Variants in CAPN2 observed in about 807,000 individuals in gnomAD.
CAPN2 encodes the protein calpain 2, also known as calpain-2 catalytic subunit.
CAPN2 carries 92 observed loss-of-function variants against 102.3 expected under a neutral mutation model. That is an observed-to-expected ratio of 0.90 (90% CI 0.76 to 1.07). The LOEUF (loss-of-function observed/expected upper bound fraction) is 1.07. CAPN2 is among the 50% of genes least tolerant of loss of function. The probability of loss-of-function intolerance (pLI) is 0.00; values close to 1 mark genes in which losing one functional copy is unlikely to be tolerated. For missense variants in CAPN2, 800 were observed against 909.4 expected (o/e 0.88, Z 1.55); for synonymous variants, 340 against 355.4 (o/e 0.96, Z 0.49).
At chr1:223,743,266 A>C (rs1660669322) in intron 2 of CAPN2, among the ~76,000 whole-genome samples, 1 of 151,904 alleles carries the variant, frequency 6.6e-6, no homozygotes, top group Admixed American at 6.6e-5. Context: ...CCTTGAAGTG[A>C]CCTCTGCCCC....
Position 223,717,825 on chromosome 1 carries a change from G to C in CAPN2, c.301G>C (p.Ala101Pro), listed in dbSNP as rs371602613. 5 of 1,613,352 alleles carry C rather than the reference G, an allele frequency of 3.1e-6. No homozygotes were observed. The African/African-American group carries it at 6.7e-5, about 22-fold the overall frequency. ...CACCCGCACAGACATCTGCCAAGGA[G>C]CCCTGGGTAAGTGATAGATTCAGAG... Reference protein sequence around the residue: ...GATRTDICQGALGDCWLLAAI... With the variant: ...GATRTDICQGPLGDCWLLAAI... The change falls in exon 2 of 21, where the codon GCC (alanine) becomes CCC (proline). Residue 101 changes from alanine to proline, a missense_variant. Coordinates refer to ENST00000295006, the MANE Select transcript of CAPN2 (RefSeq NM_001748.5).
intron 15 of CAPN2, among the ~76,000 whole-genome samples, chr1:223,765,715 G>A (rs555825930): frequency 4.7e-4 from 65 of 139,528 alleles, no homozygotes; most frequent in Admixed American, 1.1e-3. Flanking sequence ...ACCATCTAAG[G>A]GGTTGGTGCC....
At position 223,761,599 on chromosome 1, in the gene CAPN2, C is replaced by T. The variant is rs761318055; in HGVS notation, c.1548C>T (p.Ile516=). 21 of 1,612,582 alleles carry T rather than the reference C, an allele frequency of 1.3e-5. 1 individual carries two copies. The South Asian group carries it at 1.3e-4, about 10-fold the overall frequency. Residue 516 remains isoleucine, a synonymous_variant, in exon 13 of 21, where the codon ATC becomes ATT. Transcript: ENST00000295006. ...TTTCCAGAGCTGTCGATGATGAAATCGAGGCCAATCTTGAAGAGGTATTTG... is the reference window on the plus strand; with the variant it reads ...TTTCCAGAGCTGTCGATGATGAAATTGAGGCCAATCTTGAAGAGGTATTTG... The part of the protein sequence containing the change: ...KADYQAVDDE[I]EANLEEFDIS...
intron 2 of CAPN2, among the ~76,000 whole-genome samples, chr1:223,738,174 G>A (rs1026125665): frequency 8.2e-5 from 12 of 146,998 alleles, no homozygotes; most frequent in African/African-American, 2.5e-4. Context: ...TTTCTTTTTT[G>A]TGAGACGGGG....
chr1:223,742,607 C>A (rs1465330393), intron 2 of CAPN2, among the ~76,000 whole-genome samples: 1 of 150,350 alleles, frequency 6.7e-6, no homozygotes, highest in Admixed American at 6.6e-5. Flanking sequence ...GCAGCCTCCA[C>A]CTCCTGAGCT....
At chr1:223,703,483 C>T (rs1213059839) in intron 1 of CAPN2, among the ~76,000 whole-genome samples, 1 of 152,198 alleles carries the variant, frequency 6.6e-6, no homozygotes, top group Non-Finnish European at 1.5e-5. Context: ...AATGACAACA[C>T]AGTAGAGGTA....
At chr1:223,712,497 G>T (rs1659755812), upstream of CAPN2, 6 of 1,194,792 alleles carry the variant, frequency 5.0e-6, no homozygotes, top group South Asian at 1.6e-4. Flanking sequence ...GGGCCGGGCC[G>T]CTTCCCTCCG....
At position 223,726,408 on chromosome 1, in the gene CAPN2, T is replaced by TG. The variant is rs1446013191; in HGVS notation, c.307+8582dup. On this transcript the variant is annotated intron_variant, in intron 2 of 20. Coordinates refer to ENST00000295006, the MANE Select transcript of CAPN2 (RefSeq NM_001748.5). This position sits in a 1 kb window ranked among gnomAD's most constrained non-coding sequence, Gnocchi z 4.4. ...AAACTCTGATATTGACTAGTGACCG[T>TG]GGGGGCGATGGCCCAGGAGGGTCAG... Among the ~76,000 whole-genome samples the TG allele has an allele frequency of 6.6e-6, 1 of 152,150 alleles. No homozygotes were observed. Among genetic ancestry groups the TG allele is most frequent in the Non-Finnish European group, 1.5e-5 (1 of 68,028 alleles).
chr1:223,762,735 C>T (rs1309889181), intron 14 of CAPN2, among the ~76,000 whole-genome samples: 9 of 151,956 alleles, frequency 5.9e-5, no homozygotes, highest in African/African-American at 1.2e-4. Flanking sequence ...GGCTGGAGTG[C>T]AGTGGCATGA....
chr1:223,750,575 CTCCTTT>C, intron 6 of CAPN2, among the ~76,000 whole-genome samples: 1 of 152,338 alleles, frequency 6.6e-6, no homozygotes, highest in South Asian at 2.1e-4. Context: ...CTTCTCTGAG[CTCCTTT>C]ACCAAAAGCG....
At chr1:223,712,396 C>A (rs111589205), upstream of CAPN2, 3 of 1,024,642 alleles carry the variant, frequency 2.9e-6, no homozygotes. Context: ...GGCCCCGGGT[C>A]GCGGCGTTCC....
In CAPN2 at chr1:223,731,236, G is replaced by T. The variant is rs753753922; in HGVS notation, c.308-12864G>T. On this transcript the variant is annotated intron_variant, in intron 2 of 20. Coordinates refer to ENST00000295006, the MANE Select transcript of CAPN2 (RefSeq NM_001748.5). The surrounding 1 kb of genome is among the most constrained non-coding windows in gnomAD (Gnocchi z 4.2). ...TATGCTTGGAGGGTCTGGTGCAGAA[G>T]GGGAAAGGAAGAGAAGGAAGTTTGG... Among the ~76,000 whole-genome samples the T allele has an allele frequency of 6.6e-6, 1 of 152,184 alleles. No homozygotes were observed. The highest frequency in any genetic ancestry group is 2.1e-4 in the South Asian group (1 of 4,830).
intron 16 of CAPN2, among the ~76,000 whole-genome samples, chr1:223,768,477 G>A (rs571092030): frequency 1.4e-3 from 209 of 152,146 alleles, no homozygotes; most frequent in South Asian, 7.5e-3. Context: ...TTTTTCTCAG[G>A]TTTATCAAAG....
At chr1:223,737,585 G>A (rs1045506032) in intron 2 of CAPN2, among the ~76,000 whole-genome samples, 11 of 152,032 alleles carry the variant, frequency 7.2e-5, no homozygotes, top group African/African-American at 2.2e-4. Context: ...CTCCTGGGAT[G>A]AGAAAGGCAG....
intron 15 of CAPN2, among the ~76,000 whole-genome samples, chr1:223,765,229 T>C (rs1044266036): frequency 1.3e-5 from 2 of 152,144 alleles, no homozygotes; most frequent in African/African-American, 4.8e-5. Context: ...CTCCATGAGA[T>C]AAAATAAATC....
intron 2 of CAPN2, among the ~76,000 whole-genome samples, chr1:223,720,421 T>A (rs1249725453): frequency 6.7e-6 from 1 of 149,294 alleles, no homozygotes; most frequent in Non-Finnish European, 1.5e-5. Context: ...GCTCGAGTGA[T>A]CCTCCCACCT....
At chr1:223,773,468 C>T (rs1469063970) in intron 20 of CAPN2, among the ~76,000 whole-genome samples, 1 of 151,936 alleles carries the variant, frequency 6.6e-6, no homozygotes, top group Non-Finnish European at 1.5e-5. Flanking sequence ...CCAAGGCGGG[C>T]GAATCACCTG....
chr1:223,745,497 A>C (rs529241499), intron 4 of CAPN2, 58 bp downstream of exon 4: 1 of 1,600,326 alleles, frequency 6.2e-7, no homozygotes, highest in South Asian at 1.1e-5. Flanking sequence ...GGATTCCAAA[A>C]AATTCACTCA....
chr1:223,738,988 A>G lies in CAPN2; in HGVS notation c.308-5112A>G, dbSNP rs377583427. On this transcript the variant is annotated intron_variant, in intron 2 of 20. Transcript: ENST00000295006. ...GCCCTGGGCCCCCGGTGAGATACCCATAGAGATCAGCTCCCAGGCAGCAGG... is the reference window on the plus strand; with the variant it reads ...GCCCTGGGCCCCCGGTGAGATACCCGTAGAGATCAGCTCCCAGGCAGCAGG... 2.0e-5 allele frequency among the ~76,000 whole-genome samples: 3 copies of G among 152,242 alleles called. No individual in the cohort carries two copies. The East Asian group carries it at 5.8e-4, about 29-fold the overall frequency.
Sources: gnomAD v4.1 joint callset for allele counts (sites outside exome capture counted in the v4.1 genomes callset) on GRCh38, gnomAD v4.1.1 for gene constraint, Gnocchi (gnomAD v3.1) non-coding constraint, MANE v1.5 for transcripts, NCBI Gene and HGNC (gene_info 2026-07-23, HGNC 2026-07-21) for gene names.